The following FBXL4 variants were observed in gnomAD, a reference collection of about 807,000 sequenced individuals.
The protein encoded by FBXL4 is F-box and leucine rich repeat protein 4.
FBXL4 carries 40 observed loss-of-function variants against 58.9 expected under a neutral mutation model. That is an observed-to-expected ratio of 0.68 (90% CI 0.53 to 0.88). The LOEUF (loss-of-function observed/expected upper bound fraction) is 0.88, where lower values mean the gene tolerates loss of function less well. Ranked by LOEUF, FBXL4 falls within the 40% of genes least tolerant of loss-of-function variation. The probability of loss-of-function intolerance (pLI) is 0.00; values close to 1 mark genes in which losing one functional copy is unlikely to be tolerated. For synonymous variants in FBXL4, 263 were observed against 265.5 expected, an observed-to-expected ratio of 0.99 and a Z score of 0.09; for missense variants, 676 against 734.4, an observed-to-expected ratio of 0.92 and a Z score of 0.92.
intron 5 of FBXL4, among the ~76,000 whole-genome samples, chr6:98,912,080 T>C (rs1034425844): frequency 1.3e-5 from 2 of 152,040 alleles, no homozygotes; most frequent in African/African-American, 2.4e-5. Context: ...TTATCAGTGA[T>C]GGAAGATGAA....
At chr6:98,920,756 TA>T (rs892870413) in intron 4 of FBXL4, among the ~76,000 whole-genome samples, 1 of 151,492 alleles carries the variant, frequency 6.6e-6, no homozygotes, top group African/African-American at 2.4e-5. Context: ...TAATAAAAAC[TA>T]GTCAGTGAAA....
chr6:98,902,897 T>A (rs1304346689), intron 6 of FBXL4, among the ~76,000 whole-genome samples: 1 of 152,278 alleles, frequency 6.6e-6, no homozygotes, highest in South Asian at 2.1e-4. Flanking sequence ...GTAGCTAGAA[T>A]AGGATTTTAA....
At chr6:98,930,614 T>G (rs1353588842) in intron 2 of FBXL4, among the ~76,000 whole-genome samples, 1 of 152,140 alleles carries the variant, frequency 6.6e-6, no homozygotes, top group African/African-American at 2.4e-5. Flanking sequence ...AAGTATAAAT[T>G]TGTCAAATTA....
intron 5 of FBXL4, among the ~76,000 whole-genome samples, chr6:98,912,905 C>T (rs1334563348): frequency 2.6e-5 from 4 of 151,950 alleles, no homozygotes; most frequent in African/African-American, 7.3e-5. Context: ...AGTCAAGACC[C>T]ATCAGTGTGC....
chr6:98,942,718 G>C (rs1562254619), intron 1 of FBXL4, among the ~76,000 whole-genome samples: 1 of 151,958 alleles, frequency 6.6e-6, no homozygotes, highest in Non-Finnish European at 1.5e-5. Context: ...CCAGTCTCAG[G>C]TATTTCTTTA....
At position 98,947,878 on chromosome 6, in the gene FBXL4, G is replaced by C. The variant is rs562967676; in HGVS notation, c.-381C>G. 1.3e-5 allele frequency: 2 copies of C among 152,064 alleles called. No individual in the cohort carries two copies. Among genetic ancestry groups the C allele is most frequent in the South Asian group, 2.1e-4 (1 of 4,830 alleles). The allele number at this position is 152,064 out of a possible 1,614,324, so 9.4% of individuals were successfully genotyped here. A position where few individuals can be genotyped will look rare whatever the true frequency, so the allele number is the denominator to read the frequency against. ...AGGCAGCGCGAGAAGGCCTGGGTGC[G>C]GGGGCGGCTCCCCGACTCTCTAGAT... On this transcript the variant is annotated 5_prime_UTR_variant, in exon 1 of 10. Transcript: ENST00000369244.
At chr6:98,895,251 A>T (rs543768398) in intron 7 of FBXL4, among the ~76,000 whole-genome samples, 15 of 152,348 alleles carry the variant, frequency 9.8e-5, no homozygotes, top group African/African-American at 3.4e-4. Flanking sequence ...AATTTGAATA[A>T]CAAATTGTGA....
Position 98,926,499 on chromosome 6 carries a change from G to T in FBXL4, c.490C>A (p.Pro164Thr). ...TACCTTACTTCAGCTGGTGGATTTGGGGAATAAGGATTTGCAGAACAAGCG... is the reference window on the plus strand; with the variant it reads ...TACCTTACTTCAGCTGGTGGATTTGTGGAATAAGGATTTGCAGAACAAGCG... ...ILACSANPYS[P>T]NPPAEVRWEI... The change falls in exon 4 of 10, where the codon CCA becomes ACA. Residue 164 changes from proline (P) to threonine (T), a missense_variant. Coordinates refer to ENST00000369244, the MANE Select transcript of FBXL4 (RefSeq NM_001278716.2). 6.2e-7 allele frequency: 1 copy of T among 1,608,072 alleles called. No homozygotes were observed. The highest frequency in any genetic ancestry group is 8.5e-7 in the Non-Finnish European group (1 of 1,175,656).
At chr6:98,935,284 T>C (rs1456735954) in intron 1 of FBXL4, among the ~76,000 whole-genome samples, 4 of 149,512 alleles carry the variant, frequency 2.7e-5, no homozygotes, top group Admixed American at 6.7e-5. Flanking sequence ...AGTAGAGCTA[T>C]AGGATGAGTG....
At chr6:98,902,938 T>C (rs1409717479) in intron 6 of FBXL4, among the ~76,000 whole-genome samples, 1 of 152,152 alleles carries the variant, frequency 6.6e-6, no homozygotes, top group Non-Finnish European at 1.5e-5. Flanking sequence ...GTTCTCTTTA[T>C]TCCAATGCAA....
chr6:98,908,637 T>A (rs1400118787), intron 5 of FBXL4, among the ~76,000 whole-genome samples: 3 of 152,186 alleles, frequency 2.0e-5, no homozygotes. Flanking sequence ...ACCCTTTTGC[T>A]TATATCCTAG....
Position 98,880,456 on chromosome 6 carries a change from G to T in FBXL4, c.1389+97C>A, listed in dbSNP as rs546730479. On this transcript the variant is annotated intron_variant, in intron 8 of 9. Transcript: ENST00000369244. ...AGAACCATAAATCTGAAAAACTGTG[G>T]GTGTGTGTGGGGTAGGGTGAGTCAG... The T allele has an allele frequency of 9.9e-6, 9 of 912,262 alleles. No homozygotes were observed. The Admixed American group carries it at 1.4e-4, about 14-fold the overall frequency. The allele number at this position is 912,262 out of a possible 1,614,324, so 56.5% of individuals were successfully genotyped here.
At chr6:98,918,354 C>T (rs1772451085) in intron 4 of FBXL4, among the ~76,000 whole-genome samples, 1 of 152,130 alleles carries the variant, frequency 6.6e-6, no homozygotes, top group South Asian at 2.1e-4. Flanking sequence ...TCCTATTCCT[C>T]CAAATGAACT....
In FBXL4 at chr6:98,900,331, C is replaced by T. The variant is rs980011332; in HGVS notation, c.1104-850G>A. Among the ~76,000 whole-genome samples the T allele has an allele frequency of 2.0e-5, 3 of 152,164 alleles. No individual in the cohort carries two copies. The East Asian group carries it at 5.8e-4, about 29-fold the overall frequency. ...CCAGGTCTCTTGACATAAATCTTCC[C>T]ACCAGTGTCACATCAGTAATATACT... On this transcript the variant is annotated intron_variant, in intron 6 of 9. Transcript: ENST00000369244.
intron 6 of FBXL4, among the ~76,000 whole-genome samples, chr6:98,903,444 C>A (rs1771687459): frequency 6.6e-6 from 1 of 152,040 alleles, no homozygotes; most frequent in African/African-American, 2.4e-5. Context: ...ATTTTACTGG[C>A]TGAAATACTA....
At chr6:98,906,493 AC>A (rs773712009) in intron 5 of FBXL4, among the ~76,000 whole-genome samples, 4 of 152,198 alleles carry the variant, frequency 2.6e-5, no homozygotes, top group Non-Finnish European at 4.4e-5. Flanking sequence ...CCTGCAAAGG[AC>A]ATGAACTCAT....
rs910199513 is a variant in FBXL4, at chr6:98,874,142, C to T, written c.*136G>A. 1.6e-6 allele frequency: 1 copy of T among 607,326 alleles called. No homozygotes were observed. The highest frequency in any genetic ancestry group is 1.9e-5 in the African/African-American group (1 of 51,802). 37.6% of individuals were successfully genotyped at this position (607,326 alleles called of 1,614,324 possible). On this transcript the variant is annotated 3_prime_UTR_variant, in exon 10 of 10. Transcript: ENST00000369244. ...GCACATTTTTACTTGATTTAATGGA[C>T]AATTTCATATTTTTCTTTAAAATCT... is the stretch of plus-strand genomic sequence containing the variant.
intron 1 of FBXL4, among the ~76,000 whole-genome samples, chr6:98,941,999 A>T (rs953904257): frequency 1.3e-5 from 2 of 152,086 alleles, no homozygotes; most frequent in Non-Finnish European, 2.9e-5. Context: ...AATGACCTAG[A>T]GCACATATAC....
intron 4 of FBXL4, among the ~76,000 whole-genome samples, chr6:98,921,163 T>C (rs1379192020): frequency 6.6e-6 from 1 of 152,188 alleles, no homozygotes; most frequent in African/African-American, 2.4e-5. Context: ...TTCTGTTGAT[T>C]GTACTGGATG....
Sources: gnomAD v4.1 joint callset for allele counts (sites outside exome capture counted in the v4.1 genomes callset) on GRCh38, gnomAD v4.1.1 for gene constraint, MANE v1.5 for transcripts, NCBI Gene and HGNC (gene_info 2026-07-23, HGNC 2026-07-21) for gene names.